Variants in NFATC2 observed in about 807,000 individuals in gnomAD.
NFATC2 encodes nuclear factor of activated T-cells, cytoplasmic 2.
Under a neutral mutation model 87.3 loss-of-function variants are expected in NFATC2, and 22 were observed. The ratio of observed to expected loss-of-function variants is 0.25; its 90% CI spans 0.18 to 0.36. The LOEUF is 0.36. Ranked by LOEUF, NFATC2 falls within the 10% of genes least tolerant of loss-of-function variation. The pLI is 1.00. For missense variants in NFATC2, 1,149 were observed against 1,259.1 expected, an observed-to-expected ratio of 0.91 and a Z score of 1.32; for synonymous variants, 565 against 542.2, an observed-to-expected ratio of 1.04 and a Z score of -0.58.
At chr20:51,542,752 G>GGA (rs1190794055), upstream of NFATC2, 4 of 598,154 alleles carry the variant, frequency 6.7e-6, no homozygotes, top group Non-Finnish European at 8.0e-6. Flanking sequence ...GGGGAGGCGG[G>GGA]GGGGGGGGGG....
At chr20:51,505,045 G>T (rs1426034113) in intron 3 of NFATC2, among the ~76,000 whole-genome samples, 1 of 110,244 alleles carries the variant, frequency 9.1e-6, no homozygotes, top group Non-Finnish European at 1.6e-5. Flanking sequence ...ACGGAGTCTC[G>T]CTCTGTCACC....
chr20:51,419,957 C>G (rs1051118687), intron 9 of NFATC2, among the ~76,000 whole-genome samples: 7 of 151,764 alleles, frequency 4.6e-5, no homozygotes, highest in African/African-American at 1.7e-4. Flanking sequence ...CAAAAAAAAG[C>G]CCATTAAAAT....
intron 10 of NFATC2, among the ~76,000 whole-genome samples, chr20:51,397,663 CAG>C (rs1987378667): frequency 6.6e-6 from 1 of 152,132 alleles, no homozygotes; most frequent in Admixed American, 6.5e-5. Flanking sequence ...TGAGGAGGGA[CAG>C]TGGCAGATGG....
At chr20:51,413,372 G>T (rs1480838003) in intron 9 of NFATC2, among the ~76,000 whole-genome samples, 3 of 151,944 alleles carry the variant, frequency 2.0e-5, no homozygotes, top group Admixed American at 6.5e-5. Flanking sequence ...GTCTCCTCAG[G>T]GTTTATTCAC....
chr20:51,522,960 G>T, intron 2 of NFATC2, 121 bp downstream of exon 2: 1 of 1,387,478 alleles, frequency 7.2e-7, no homozygotes, highest in Non-Finnish European at 9.8e-7. Context: ...AAGGGGCCAA[G>T]CCAAGATTTA....
intron 9 of NFATC2, among the ~76,000 whole-genome samples, chr20:51,423,806 G>A (rs934523120): frequency 6.6e-5 from 10 of 152,208 alleles, no homozygotes; most frequent in South Asian, 2.1e-4. Flanking sequence ...TGAGGGCTGC[G>A]TGGACAGCAA....
rs1189623485 is a variant in NFATC2, at chr20:51,390,093, G to C, written c.*1403C>G. The C allele has an allele frequency of 1.3e-5, 1 of 79,116 alleles. No homozygotes were observed. The highest frequency in any genetic ancestry group is 3.7e-4 in the East Asian group (1 of 2,696). 4.9% of individuals were successfully genotyped at this position (79,116 alleles called of 1,614,324 possible). A position where few individuals can be genotyped will look rare whatever the true frequency, so the allele number is the denominator to read the frequency against. ...ACACCCACAGAGGAAGACTAGGGGA[G>C]ACTGGGTGCGCTCAGTGGAAACAGT... On this transcript the variant is annotated 3_prime_UTR_variant, in exon 11 of 11. Coordinates refer to ENST00000371564, the MANE Select transcript of NFATC2 (RefSeq NM_012340.5).
chr20:51,430,231 C>A (rs1426112497), intron 9 of NFATC2, among the ~76,000 whole-genome samples: 2 of 152,170 alleles, frequency 1.3e-5, no homozygotes, highest in Admixed American at 1.3e-4. Flanking sequence ...TCCAGCCCTG[C>A]ACAGACACTC....
chr20:51,411,516 CT>C (rs67935951), intron 9 of NFATC2, among the ~76,000 whole-genome samples: 198 of 87,218 alleles, frequency 2.3e-3, no homozygotes, highest in East Asian at 0.018. Context: ...ATGCAATTGT[CT>C]TTTTTTTTTT....
rs564710897 is a variant in NFATC2 at position 51,440,567 on chromosome 20, C to G, written c.1850-4806G>C. ...TCACCATTAACTTTAAAAACACACA[C>G]AGAGAAAAAGACCTCAGAGGAATAA... On this transcript the variant is annotated intron_variant, in intron 6 of 10. Coordinates refer to ENST00000371564, the MANE Select transcript of NFATC2 (RefSeq NM_012340.5). Among the ~76,000 whole-genome samples, 5 of 152,206 alleles carry G rather than the reference C, an allele frequency of 3.3e-5. No homozygotes were observed. The South Asian group carries it at 1.0e-3, about 32-fold the overall frequency.
intron 1 of NFATC2, among the ~76,000 whole-genome samples, chr20:51,556,459 T>C (rs1412470146): frequency 6.6e-6 from 1 of 152,194 alleles, no homozygotes; most frequent in Non-Finnish European, 1.5e-5. Flanking sequence ...TCATCCTGGC[T>C]ATTTCCTGGC....
chr20:51,421,783 G>A (rs1157968467), intron 9 of NFATC2, among the ~76,000 whole-genome samples: 1 of 152,102 alleles, frequency 6.6e-6, no homozygotes, highest in Non-Finnish European at 1.5e-5. Flanking sequence ...ATACCGTGTG[G>A]GCCAAACAAA....
intron 9 of NFATC2, among the ~76,000 whole-genome samples, chr20:51,427,140 C>T (rs548902920): frequency 6.6e-6 from 1 of 152,202 alleles, no homozygotes; most frequent in South Asian, 2.1e-4. Flanking sequence ...GTTCTCTCAT[C>T]TGTGGCTGAG....
intron 9 of NFATC2, among the ~76,000 whole-genome samples, chr20:51,399,681 A>T (rs1485577799): frequency 6.6e-6 from 1 of 152,046 alleles, no homozygotes; most frequent in East Asian, 1.9e-4. Flanking sequence ...GAAGCACTTC[A>T]TCTCTCCTCC....
intron 4 of NFATC2, 21 bp downstream of exon 4, chr20:51,475,437 C>T (rs370763705): frequency 1.2e-6 from 2 of 1,612,582 alleles, no homozygotes; most frequent in African/African-American, 2.7e-5. Context: ...AGACCCGCCG[C>T]CCTCAGCTCC....
chr20:51,498,209 C>T lies in NFATC2; in HGVS notation c.1332+18575G>A, dbSNP rs577468740. Among the ~76,000 whole-genome samples, 8 of 152,198 alleles carry T rather than the reference C, an allele frequency of 5.3e-5. No individual in the cohort carries two copies. The South Asian group carries it at 1.2e-3, about 24-fold the overall frequency. ...TAGCACAGGAAAGCCACCAAGGAGC[C>T]GCCTACGCCAGCACATCCATCACCC... On this transcript the variant is annotated intron_variant, in intron 3 of 10. Coordinates refer to ENST00000371564, the MANE Select transcript of NFATC2 (RefSeq NM_012340.5).
At chr20:51,428,877 C>T (rs886656322) in intron 9 of NFATC2, among the ~76,000 whole-genome samples, 4 of 152,240 alleles carry the variant, frequency 2.6e-5, no homozygotes, top group African/African-American at 7.2e-5. Context: ...AATGCCCACG[C>T]ACAGGCAGCA....
At chr20:51,469,393 G>A (rs1987993235) in intron 5 of NFATC2, among the ~76,000 whole-genome samples, 2 of 152,158 alleles carry the variant, frequency 1.3e-5, no homozygotes, top group African/African-American at 4.8e-5. Context: ...GGGCAGAGGT[G>A]ACAGTGTGCA....
intron 9 of NFATC2, among the ~76,000 whole-genome samples, chr20:51,421,814 G>C (rs552837017): frequency 5.3e-5 from 8 of 152,278 alleles, no homozygotes; most frequent in African/African-American, 1.9e-4. Flanking sequence ...GCGAAATGCA[G>C]CCCATGGAGC....
Sources: allele counts gnomAD v4.1 joint callset (sites outside exome capture counted in the v4.1 genomes callset), GRCh38; gene constraint gnomAD v4.1.1; transcripts MANE v1.5; gene names NCBI Gene and HGNC (gene_info 2026-07-23, HGNC 2026-07-21).